The following SLC12A1 variants were observed in gnomAD, a reference collection of about 807,000 sequenced individuals.
SLC12A1 encodes the protein solute carrier family 12 member 1, also known as Na-K-2Cl cotransporter.
A neutral mutation model predicts 130.4 loss-of-function variants in SLC12A1; 89 were observed. The observed-to-expected ratio is 0.68, with a 90% CI of 0.58 to 0.81. SLC12A1 has a LOEUF of 0.81. Ranked by LOEUF, SLC12A1 falls within the 40% of genes least tolerant of loss-of-function variation. The pLI, the probability that SLC12A1 is intolerant of heterozygous loss-of-function variation, is 0.00. For synonymous variants in SLC12A1, 499 were observed against 460.0 expected (o/e 1.08, Z -1.09); for missense variants, 1,310 against 1,336.4 (o/e 0.98, Z 0.31).
intron 24 of SLC12A1, among the ~76,000 whole-genome samples, chr15:48,292,749 G>A (rs1421872073): frequency 6.6e-6 from 1 of 152,020 alleles, no homozygotes; most frequent in Admixed American, 6.6e-5. Flanking sequence ...TTCCTATAAG[G>A]GCACTAATCC....
chr15:48,288,992 A>G (rs2042088970), intron 23 of SLC12A1, among the ~76,000 whole-genome samples: 1 of 152,158 alleles, frequency 6.6e-6, no homozygotes, highest in African/African-American at 2.4e-5. Flanking sequence ...TCTGCCATCA[A>G]GGAGCTGCAG....
chr15:48,255,380 G>T (rs1383595555), intron 15 of SLC12A1, among the ~76,000 whole-genome samples: 1 of 151,646 alleles, frequency 6.6e-6, no homozygotes, highest in African/African-American at 2.4e-5. Context: ...GGAGGTTGCA[G>T]TGAGCCAAGA....
In SLC12A1 at chr15:48,235,012, G is replaced by T. The variant is rs569216544; in HGVS notation, c.1215+8G>T. The T allele has an allele frequency of 2.5e-6, 4 of 1,613,610 alleles. No individual in the cohort carries two copies. In the South Asian group the frequency reaches 4.4e-5, roughly 18 times the overall value. On this transcript the variant is annotated splice_region_variant and intron_variant, in intron 9 of 26. Transcript: ENST00000380993. ...ATCTCAGGAGATTTGGAGGTACGTTGTTTGCTCTGCTTTGCAGTCCTGGGA... is the reference window on the plus strand; with the variant it reads ...ATCTCAGGAGATTTGGAGGTACGTTTTTTGCTCTGCTTTGCAGTCCTGGGA...
intron 7 of SLC12A1, among the ~76,000 whole-genome samples, chr15:48,231,588 CT>C (rs2041379260): frequency 6.6e-6 from 1 of 152,000 alleles, no homozygotes; most frequent in Admixed American, 6.6e-5. Context: ...GTGTCTTTAC[CT>C]TTAAAATGAG....
chr15:48,234,238 T>A (rs1390108781), intron 8 of SLC12A1, among the ~76,000 whole-genome samples: 1 of 152,144 alleles, frequency 6.6e-6, no homozygotes. Context: ...GGTATGCCAG[T>A]GTGATCATGA....
chr15:48,299,983 C>T (rs534272407), intron 25 of SLC12A1, among the ~76,000 whole-genome samples: 2 of 152,296 alleles, frequency 1.3e-5, no homozygotes, highest in South Asian at 2.1e-4. Context: ...AGCACTCAAG[C>T]GCTGCTAATC....
intron 17 of SLC12A1, among the ~76,000 whole-genome samples, chr15:48,259,555 A>G (rs1207064718): frequency 6.6e-6 from 1 of 152,232 alleles, no homozygotes; most frequent in Admixed American, 6.5e-5. Flanking sequence ...ATATTTCCAA[A>G]TGATGGCCTT....
intron 2 of SLC12A1, among the ~76,000 whole-genome samples, chr15:48,220,182 GATAA>G (rs2041192178): frequency 6.7e-6 from 1 of 148,582 alleles, no homozygotes; most frequent in African/African-American, 2.5e-5. Flanking sequence ...TAGATAGATA[GATAA>G]AATGAAGTAC....
At chr15:48,237,613 G>A (rs775698521) in intron 9 of SLC12A1, among the ~76,000 whole-genome samples, 1 of 152,142 alleles carries the variant, frequency 6.6e-6, no homozygotes, top group South Asian at 2.1e-4. Flanking sequence ...ATTGTAGAAT[G>A]TTGCATTCTT....
intron 8 of SLC12A1, among the ~76,000 whole-genome samples, chr15:48,233,809 C>T (rs1217486410): frequency 6.6e-6 from 1 of 152,094 alleles, no homozygotes; most frequent in Non-Finnish European, 1.5e-5. Flanking sequence ...CCTCCCTTCC[C>T]ATTCCTACCA....
intron 21 of SLC12A1, among the ~76,000 whole-genome samples, chr15:48,287,363 GT>G (rs11318362): frequency 0.17 from 24,723 of 145,986 alleles, 3,449 homozygotes; most frequent in African/African-American, 0.37. Context: ...ATTTTCTAAG[GT>G]TTTTTTTTTT....
At chr15:48,294,061 A>G (rs2042147932) in intron 24 of SLC12A1, among the ~76,000 whole-genome samples, 2 of 151,102 alleles carry the variant, frequency 1.3e-5, no homozygotes, top group Admixed American at 1.3e-4. Context: ...AGAAAAAAAG[A>G]AAAAGGAGCC....
chr15:48,220,235 GCT>G (rs2041193267), intron 2 of SLC12A1, among the ~76,000 whole-genome samples: 1 of 151,722 alleles, frequency 6.6e-6, no homozygotes, highest in Non-Finnish European at 1.5e-5. Context: ...CCTCTACTTA[GCT>G]CAGGAAGTTT....
intron 17 of SLC12A1, among the ~76,000 whole-genome samples, chr15:48,262,687 A>G (rs746969271): frequency 5.6e-4 from 86 of 152,346 alleles, no homozygotes; most frequent in Admixed American, 1.2e-3. Flanking sequence ...TTGAACTAAC[A>G]AAATAAATAA....
At chr15:48,265,891 G>A (rs1272900787) in intron 17 of SLC12A1, among the ~76,000 whole-genome samples, 2 of 152,058 alleles carry the variant, frequency 1.3e-5, no homozygotes, top group African/African-American at 4.8e-5. Context: ...AAAGAAATAG[G>A]TAAAGTTATT....
chr15:48,210,147 A>C (rs756682047), intron 2 of SLC12A1, among the ~76,000 whole-genome samples: 4 of 152,182 alleles, frequency 2.6e-5, no homozygotes, highest in African/African-American at 4.8e-5. Flanking sequence ...AGGTTGACAG[A>C]AGCAGCCCCC....
intron 14 of SLC12A1, among the ~76,000 whole-genome samples, chr15:48,250,359 C>A (rs6493312): frequency 0.14 from 21,783 of 152,090 alleles, 2,988 homozygotes; most frequent in African/African-American, 0.35. Flanking sequence ...TCATTGAGGG[C>A]CTGACAAGAT....
At chr15:48,235,561 C>T (rs986808526) in intron 9 of SLC12A1, among the ~76,000 whole-genome samples, 3 of 152,026 alleles carry the variant, frequency 2.0e-5, no homozygotes, top group African/African-American at 4.8e-5. Flanking sequence ...GTCCCAGACA[C>T]TTGGGAGGCT....
intron 13 of SLC12A1, among the ~76,000 whole-genome samples, chr15:48,249,283 G>A (rs1464657160): frequency 6.6e-6 from 1 of 151,604 alleles, no homozygotes; most frequent in Non-Finnish European, 1.5e-5. Context: ...AAGCTACAGG[G>A]AGTTAATTGT....
Sources: gnomAD v4.1 joint callset for allele counts (sites outside exome capture counted in the v4.1 genomes callset) on GRCh38, gnomAD v4.1.1 for gene constraint, MANE v1.5 for transcripts, NCBI Gene and HGNC (gene_info 2026-07-23, HGNC 2026-07-21) for gene names.